Variants in DPYSL5 observed in about 807,000 individuals in gnomAD.
DPYSL5 encodes dihydropyrimidinase-related protein 5.
DPYSL5 carries 9 observed loss-of-function variants against 58.4 expected under a neutral mutation model. That is an observed-to-expected ratio of 0.15 (90% CI 0.09 to 0.27). DPYSL5 has a LOEUF of 0.27. Ranked by LOEUF, DPYSL5 falls within the 10% of genes least tolerant of loss-of-function variation. DPYSL5 has a pLI of 1.00. For synonymous variants in DPYSL5, 293 were observed against 301.9 expected, an observed-to-expected ratio of 0.97 and a Z score of 0.31; for missense variants, 499 against 770.6, an observed-to-expected ratio of 0.65 and a Z score of 4.17.
At chr2:26,859,482 T>C (rs2148108661) in intron 1 of DPYSL5, among the ~76,000 whole-genome samples, 1 of 152,342 alleles carries the variant, frequency 6.6e-6, no homozygotes, top group Middle Eastern at 3.4e-3. Context: ...TTCACAAAGT[T>C]TCCTGATCAG....
Position 26,934,522 on chromosome 2 carries a change from G to A in DPYSL5, c.791-56G>A. On this transcript the variant is annotated intron_variant, in intron 7 of 12. Coordinates refer to ENST00000288699, the MANE Select transcript of DPYSL5 (RefSeq NM_020134.4). This position sits in a 1 kb window ranked among gnomAD's most constrained non-coding sequence, Gnocchi z 4.3. ...CCTGTAAAATGAGAGGCACACACCA[G>A]CGATCGCTCAGGTTCGGTGGCTTCC... 1.9e-6 allele frequency: 3 copies of A among 1,576,308 alleles called. No individual in the cohort carries two copies. Among genetic ancestry groups the A allele is most frequent in the East Asian group, 2.2e-5 (1 of 44,506 alleles).
intron 5 of DPYSL5, 152 bp downstream of exon 5, chr2:26,928,475 G>C: frequency 1.2e-6 from 1 of 824,478 alleles, no homozygotes; most frequent in South Asian, 1.6e-5. Context: ...TGGGTGGATG[G>C]CTTGAACCCA....
At chr2:26,884,416 A>G (rs956469872) in intron 1 of DPYSL5, among the ~76,000 whole-genome samples, 8 of 152,022 alleles carry the variant, frequency 5.3e-5, no homozygotes, top group African/African-American at 1.9e-4. Flanking sequence ...CAACACTTAC[A>G]AGGAGCCAGG....
chr2:26,872,017 C>G (rs1663273267), intron 1 of DPYSL5, among the ~76,000 whole-genome samples: 1 of 152,160 alleles, frequency 6.6e-6, no homozygotes, highest in African/African-American at 2.4e-5. Flanking sequence ...CACCCACCAG[C>G]TGAGATATTT....
At chr2:26,922,513 C>T (rs931124404) in intron 2 of DPYSL5, among the ~76,000 whole-genome samples, 3 of 152,176 alleles carry the variant, frequency 2.0e-5, no homozygotes, top group African/African-American at 7.2e-5. Context: ...TCCTTTTCTC[C>T]TCTTGCCCTG....
chr2:26,870,270 T>A (rs935183836), intron 1 of DPYSL5, among the ~76,000 whole-genome samples: 3 of 152,216 alleles, frequency 2.0e-5, no homozygotes, highest in African/African-American at 7.2e-5. Context: ...CTTAGAATTT[T>A]TATTGGGAAT....
chr2:26,906,218 T>A lies in DPYSL5; in HGVS notation c.261+7458T>A, dbSNP rs565257934. Among the ~76,000 whole-genome samples the A allele has an allele frequency of 1.5e-3, 225 of 147,924 alleles. 2 individuals carry two copies. The highest frequency in any genetic ancestry group is 5.5e-3 in the African/African-American group (221 of 39,954). ...TTTTTTTTTTGAGACAGAGTCTTGC[T>A]CTGTCACCAGGCTGGACTGCAGTGG... On this transcript the variant is annotated intron_variant, in intron 2 of 12. Coordinates refer to ENST00000288699, the MANE Select transcript of DPYSL5 (RefSeq NM_020134.4).
chr2:26,937,667 C>A (rs1291222173), intron 8 of DPYSL5, among the ~76,000 whole-genome samples: 1 of 151,812 alleles, frequency 6.6e-6, no homozygotes, highest in Non-Finnish European at 1.5e-5. Context: ...GGCTCTGTCA[C>A]TCAGGCTGGA....
At chr2:26,894,228 T>C (rs1360556338) in intron 1 of DPYSL5, among the ~76,000 whole-genome samples, 4 of 151,956 alleles carry the variant, frequency 2.6e-5, no homozygotes, top group African/African-American at 9.7e-5. Context: ...ACTGGCCCCA[T>C]TTCCTATGTG....
At chr2:26,907,263 C>T (rs994426205) in intron 2 of DPYSL5, among the ~76,000 whole-genome samples, 5 of 151,798 alleles carry the variant, frequency 3.3e-5, no homozygotes, top group South Asian at 4.2e-4. Context: ...TACAGGCGCC[C>T]GCCACCATGC....
Position 26,933,168 on chromosome 2 carries a change from G to A in DPYSL5, c.715-90G>A, listed in dbSNP as rs573773305. ...GTTGAGTGACGCAGGGGGAGGCGCT[G>A]GTGCCAGGGCTGACTTTGCCAGGGT... On this transcript the variant is annotated intron_variant, in intron 6 of 12. Transcript: ENST00000288699. This position sits in a 1 kb window ranked among gnomAD's most constrained non-coding sequence, Gnocchi z 4.2. The A allele has an allele frequency of 7.6e-6, 9 of 1,187,302 alleles. No individual in the cohort carries two copies. In the East Asian group the frequency reaches 1.9e-4, roughly 25 times the overall value. The allele number at this position is 1,187,302 out of a possible 1,614,324, so 73.5% of individuals were successfully genotyped here.
intron 2 of DPYSL5, among the ~76,000 whole-genome samples, chr2:26,913,550 T>C (rs1411388257): frequency 6.6e-6 from 1 of 152,258 alleles, no homozygotes; most frequent in East Asian, 1.9e-4. Context: ...TTTTAGCTGC[T>C]GTGAATGCTA....
chr2:26,867,198 CTT>C (rs1558323340), intron 1 of DPYSL5, among the ~76,000 whole-genome samples: 2 of 152,154 alleles, frequency 1.3e-5, no homozygotes, highest in Non-Finnish European at 2.9e-5. Flanking sequence ...CCTTGTTCAT[CTT>C]AACTAAATGG....
At chr2:26,910,120 C>G (rs1430363793) in intron 2 of DPYSL5, among the ~76,000 whole-genome samples, 1 of 152,134 alleles carries the variant, frequency 6.6e-6, no homozygotes, top group African/African-American at 2.4e-5. Flanking sequence ...GATATGCATT[C>G]CTTTTTTTGT....
rs1346635126 is a variant in DPYSL5, at chr2:26,947,485, T to G, written c.*490T>G. On this transcript the variant is annotated 3_prime_UTR_variant, in exon 13 of 13. Transcript: ENST00000288699. The surrounding 1 kb of genome is among the most constrained non-coding windows in gnomAD (Gnocchi z 4.2). ...CAGACAGATGTCAGCTTCCCAGCCATGCCCAGGACGTCCTATCTCCCCCAA... is the reference window on the plus strand; with the variant it reads ...CAGACAGATGTCAGCTTCCCAGCCAGGCCCAGGACGTCCTATCTCCCCCAA... 1 of 155,530 alleles carries G rather than the reference T, an allele frequency of 6.4e-6. No homozygotes were observed. The highest frequency in any genetic ancestry group is 1.9e-4 in the East Asian group (1 of 5,272). The allele number at this position is 155,530 out of a possible 1,614,324, so 9.6% of individuals were successfully genotyped here.
chr2:26,876,673 G>A (rs1321410347), intron 1 of DPYSL5, among the ~76,000 whole-genome samples: 6 of 151,936 alleles, frequency 3.9e-5, no homozygotes, highest in Non-Finnish European at 5.9e-5. Context: ...CTGCCACCAC[G>A]CCTGGCTAAC....
upstream of DPYSL5, chr2:26,848,058 G>A (rs1394418737): frequency 2.0e-5 from 3 of 151,514 alleles, no homozygotes; most frequent in African/African-American, 4.8e-5. Flanking sequence ...GCGGTGATTG[G>A]CGGAGGCCGC....
intron 5 of DPYSL5, among the ~76,000 whole-genome samples, chr2:26,930,011 G>A (rs1429473955): frequency 1.3e-5 from 2 of 152,232 alleles, no homozygotes; most frequent in East Asian, 1.9e-4. Context: ...GGCCTCGAGG[G>A]ACAAGGAGCA....
In DPYSL5 at chr2:26,942,154, T is replaced by C; in HGVS notation, c.1232+62T>C. 6.2e-7 allele frequency: 1 copy of C among 1,601,562 alleles called. No homozygotes were observed. On this transcript the variant is annotated intron_variant, in intron 10 of 12. Transcript: ENST00000288699. This position sits in a 1 kb window ranked among gnomAD's most constrained non-coding sequence, Gnocchi z 5.9. ...TTGGGATTTTGAAGAAGACTTGCAT[T>C]ACAGATCTCCAAAAGCATATAATTT...
Sources: gnomAD v4.1 joint callset for allele counts (sites outside exome capture counted in the v4.1 genomes callset) on GRCh38, gnomAD v4.1.1 for gene constraint, Gnocchi (gnomAD v3.1) non-coding constraint, MANE v1.5 for transcripts, NCBI Gene and HGNC (gene_info 2026-07-23, HGNC 2026-07-21) for gene names.